Variants in PRTFDC1 observed in about 807,000 individuals in gnomAD.
PRTFDC1 encodes the protein phosphoribosyl transferase domain containing 1, also known as phosphoribosyltransferase domain-containing protein 1.
A neutral mutation model predicts 34.6 loss-of-function variants in PRTFDC1; 38 were observed. The ratio of observed to expected loss-of-function variants is 1.10; its 90% CI spans 0.85 to 1.44. The LOEUF is 1.44. PRTFDC1 is among the 40% of genes most tolerant of loss of function. PRTFDC1 has a pLI of 0.00. For synonymous variants in PRTFDC1, 93 were observed against 98.1 expected, an observed-to-expected ratio of 0.95 and a Z score of 0.31; for missense variants, 270 against 283.0, an observed-to-expected ratio of 0.95 and a Z score of 0.33.
chr10:24,949,715 G>GTTTATTTATTTA (rs200179383), intron 1 of PRTFDC1, among the ~76,000 whole-genome samples: 2 of 144,060 alleles, frequency 1.4e-5, no homozygotes, highest in Non-Finnish European at 3.0e-5. Context: ...CATTTTTTTT[G>GTTTATTTATTTA]TTTATTTATT....
chr10:24,856,742 A>G (rs1240710274), intron 6 of PRTFDC1, among the ~76,000 whole-genome samples, 171 bp downstream of exon 6: 3 of 151,900 alleles, frequency 2.0e-5, no homozygotes, highest in Non-Finnish European at 4.4e-5. Context: ...TACTTCTCTC[A>G]GGCTAGCAGT....
chr10:24,898,286 C>CAAAAAAAAAA (rs34691185), intron 3 of PRTFDC1, among the ~76,000 whole-genome samples: 1 of 75,200 alleles, frequency 1.3e-5, no homozygotes, highest in Non-Finnish European at 2.4e-5. Flanking sequence ...CCCGTCTCTA[C>CAAAAAAAAAA]AAAAAAAAAA....
At chr10:24,905,611 C>A (rs1255960144) in intron 3 of PRTFDC1, among the ~76,000 whole-genome samples, 1 of 151,982 alleles carries the variant, frequency 6.6e-6, no homozygotes, top group Non-Finnish European at 1.5e-5. Context: ...CCTTGCCAAG[C>A]CAAGAAATTT....
chr10:24,889,086 G>A (rs1848219030), intron 3 of PRTFDC1, among the ~76,000 whole-genome samples: 1 of 152,118 alleles, frequency 6.6e-6, no homozygotes, highest in Non-Finnish European at 1.5e-5. Context: ...TAGGAGGTGG[G>A]GACTTTGGGG....
At chr10:24,881,389 G>C (rs1365468001) in intron 3 of PRTFDC1, among the ~76,000 whole-genome samples, 1 of 152,152 alleles carries the variant, frequency 6.6e-6, no homozygotes, top group African/African-American at 2.4e-5. Flanking sequence ...GCAGTCACCT[G>C]GAGATCATGC....
intron 3 of PRTFDC1, among the ~76,000 whole-genome samples, chr10:24,936,289 C>T (rs1343886694): frequency 6.9e-6 from 1 of 145,356 alleles, no homozygotes; most frequent in Non-Finnish European, 1.5e-5. Flanking sequence ...GAAACAACAG[C>T]TTTTTTTTTT....
chr10:24,929,052 A>AAAAAAAAAAAAAAAG (rs1554765607), intron 3 of PRTFDC1, among the ~76,000 whole-genome samples: 1 of 116,508 alleles, frequency 8.6e-6, no homozygotes, highest in African/African-American at 3.4e-5. Flanking sequence ...AAAAAAAAAA[A>AAAAAAAAAAAAAAAG]AAAGAAAGAA....
chr10:24,849,776 A>G lies in PRTFDC1; in HGVS notation c.*68T>C. On this transcript the variant is annotated 3_prime_UTR_variant, in exon 9 of 9. Transcript: ENST00000320152. Reference sequence around the variant, plus strand: ...AGATGCCTGGGGGGACAAACTTGACAGCTGGCTTCCCAAGTACAGGCGTAA... The same window carrying G: ...AGATGCCTGGGGGGACAAACTTGACGGCTGGCTTCCCAAGTACAGGCGTAA... The G allele has an allele frequency of 8.6e-6, 13 of 1,510,330 alleles. No homozygotes were observed. In the South Asian group the frequency reaches 1.5e-4, roughly 17 times the overall value. 93.6% of individuals were successfully genotyped at this position (1,510,330 alleles called of 1,614,324 possible).
chr10:24,908,326 C>G, intron 3 of PRTFDC1: 1 of 796,820 alleles, frequency 1.3e-6, no homozygotes, highest in Non-Finnish European at 1.9e-6. Flanking sequence ...ATATTTTTAT[C>G]CAGCATGTTT....
intron 4 of PRTFDC1, among the ~76,000 whole-genome samples, chr10:24,870,191 C>G (rs555929370): frequency 1.4e-4 from 22 of 152,276 alleles, no homozygotes; most frequent in Middle Eastern, 3.4e-3. Flanking sequence ...CTCACTGCAG[C>G]CTTAACTCTT....
chr10:24,892,203 T>C (rs1848274513), intron 3 of PRTFDC1, among the ~76,000 whole-genome samples: 1 of 152,102 alleles, frequency 6.6e-6, no homozygotes, highest in Non-Finnish European at 1.5e-5. Context: ...CCCAGGCTGA[T>C]CTTGAACTCC....
chr10:24,880,056 C>G (rs536013138), intron 3 of PRTFDC1, among the ~76,000 whole-genome samples: 8 of 152,214 alleles, frequency 5.3e-5, no homozygotes, highest in Non-Finnish European at 8.8e-5. Context: ...AGGAAGTTAC[C>G]TAACCTTTCA....
chr10:24,921,112 C>G (rs552530667), intron 3 of PRTFDC1, among the ~76,000 whole-genome samples: 1 of 151,562 alleles, frequency 6.6e-6, no homozygotes, highest in African/African-American at 2.4e-5. Flanking sequence ...AACAAAAAAA[C>G]AAAAAACAAA....
intron 3 of PRTFDC1, among the ~76,000 whole-genome samples, chr10:24,885,761 G>A (rs1848154344): frequency 6.6e-6 from 1 of 152,210 alleles, no homozygotes; most frequent in African/African-American, 2.4e-5. Flanking sequence ...CCTTCAGTAG[G>A]TGAATGGATG....
intron 4 of PRTFDC1, among the ~76,000 whole-genome samples, chr10:24,865,564 G>C (rs78372835): frequency 2.4e-3 from 358 of 152,216 alleles, no homozygotes; most frequent in African/African-American, 7.4e-3. Flanking sequence ...GGAATCTCTG[G>C]GGTGTGCTTT....
chr10:24,921,273 C>T (rs568685062), intron 3 of PRTFDC1, among the ~76,000 whole-genome samples: 1 of 152,084 alleles, frequency 6.6e-6, no homozygotes, highest in Non-Finnish European at 1.5e-5. Context: ...CTTACACACG[C>T]CAATGTGAAT....
At chr10:24,868,303 C>T (rs1305370373) in intron 4 of PRTFDC1, 1 of 152,108 alleles carries the variant, frequency 6.6e-6, no homozygotes, top group East Asian at 1.9e-4. Context: ...CCTAAGGAAT[C>T]CTTCATTCTT....
intron 3 of PRTFDC1, among the ~76,000 whole-genome samples, chr10:24,910,337 T>A (rs887192778): frequency 1.3e-5 from 2 of 152,154 alleles, no homozygotes; most frequent in African/African-American, 4.8e-5. Flanking sequence ...TAAGATTGAA[T>A]TCTCGTTTTA....
At chr10:24,858,972 T>A (rs1241514050) in intron 4 of PRTFDC1, among the ~76,000 whole-genome samples, 1 of 152,146 alleles carries the variant, frequency 6.6e-6, no homozygotes, top group Non-Finnish European at 1.5e-5. Context: ...TTAGATTCTT[T>A]GCAACAAGCT....
Sources: gnomAD v4.1 joint callset for allele counts (sites outside exome capture counted in the v4.1 genomes callset) on GRCh38, gnomAD v4.1.1 for gene constraint, MANE v1.5 for transcripts, NCBI Gene and HGNC (gene_info 2026-07-23, HGNC 2026-07-21) for gene names.